The following MTHFSD variants were observed in gnomAD, a reference collection of about 807,000 sequenced individuals.
The protein encoded by MTHFSD is methenyltetrahydrofolate synthase domain-containing protein.
Under a neutral mutation model 31.1 loss-of-function variants are expected in MTHFSD, and 37 were observed. The observed-to-expected ratio is 1.19, with a 90% confidence interval of 0.91 to 1.56. MTHFSD has a LOEUF of 1.56. Ranked by LOEUF, MTHFSD falls within the 40% of genes most tolerant of loss-of-function variation. MTHFSD has a pLI of 0.00. For missense variants in MTHFSD, 664 were observed against 510.1 expected (o/e 1.30, Z -2.91); for synonymous variants, 221 against 206.9 (o/e 1.07, Z -0.59).
At chr16:86,547,667 C>CTA (rs1219798111) in intron 4 of MTHFSD, 14 of 497,966 alleles carry the variant, frequency 2.8e-5, no homozygotes, top group Admixed American at 1.3e-4. Context: ...CTTTCTCTCT[C>CTA]TATATATATA....
chr16:86,552,881 G>C (rs1179522346), intron 2 of MTHFSD, among the ~76,000 whole-genome samples: 1 of 152,206 alleles, frequency 6.6e-6, no homozygotes. Flanking sequence ...CAAGCCAACA[G>C]CTAAGTCCTT....
intron 7 of MTHFSD, among the ~76,000 whole-genome samples, chr16:86,539,739 G>C (rs919255947): frequency 3.3e-5 from 5 of 152,170 alleles, no homozygotes; most frequent in African/African-American, 9.7e-5. Context: ...AGACAGGGCA[G>C]GACGTCAACT....
intron 7 of MTHFSD, 64 bp downstream of exon 7, chr16:86,541,633 A>G: frequency 1.9e-6 from 3 of 1,569,968 alleles, no homozygotes; most frequent in Non-Finnish European, 2.6e-6. Flanking sequence ...TGCCAGACAG[A>G]AAACACTTAA....
chr16:86,544,045 T>G (rs1292404864), intron 5 of MTHFSD, among the ~76,000 whole-genome samples: 1 of 152,212 alleles, frequency 6.6e-6, no homozygotes, highest in East Asian at 1.9e-4. Context: ...GAAAACAAGC[T>G]GAGGGCTCCC....
intron 7 of MTHFSD, chr16:86,541,054 C>T (rs1332795932): frequency 2.6e-5 from 32 of 1,227,416 alleles, no homozygotes; most frequent in Non-Finnish European, 2.8e-5. Flanking sequence ...GCTTATTTGA[C>T]CAGTAGTTTT....
In MTHFSD at chr16:86,532,311, T is replaced by C; in HGVS notation, c.852A>G (p.Gly284=). 6.3e-7 allele frequency: 1 copy of C among 1,587,174 alleles called. No homozygotes were observed. The highest frequency in any genetic ancestry group is 8.6e-7 in the Non-Finnish European group (1 of 1,169,020). ...SVGRRPPDTP[G]PETNSMEAAP... Reference sequence around the variant, plus strand: ...CTGCCTCCATGGAATTGGTTTCTGGTCCGGGTGTGTCCGGGGGCCTCCTGC... The same window carrying C: ...CTGCCTCCATGGAATTGGTTTCTGGCCCGGGTGTGTCCGGGGGCCTCCTGC... Residue 284 remains glycine (G), a synonymous_variant, in exon 8 of 8, where the codon GGA becomes GGG. Coordinates refer to ENST00000360900, the MANE Select transcript of MTHFSD (RefSeq NM_001159377.2).
intron 7 of MTHFSD, among the ~76,000 whole-genome samples, chr16:86,540,548 G>A (rs563211698): frequency 6.6e-6 from 1 of 152,350 alleles, no homozygotes; most frequent in African/African-American, 2.4e-5. Flanking sequence ...CAGGCCTAGA[G>A]GGACTGCCAG....
chr16:86,555,070 C>G, intron 1 of MTHFSD, 99 bp downstream of exon 1: 1 of 1,500,264 alleles, frequency 6.7e-7, no homozygotes, highest in Middle Eastern at 1.7e-4. Context: ...TGATTCTGCC[C>G]CATCCTCTGC....
At chr16:86,548,757 T>A (rs1486351887) in intron 3 of MTHFSD, among the ~76,000 whole-genome samples, 180 bp from the exon 4 acceptor site, 3 of 152,218 alleles carry the variant, frequency 2.0e-5, no homozygotes, top group Non-Finnish European at 4.4e-5. Flanking sequence ...TGGGGTCGAT[T>A]TTTCTTAGAA....
chr16:86,549,137 G>A (rs1395924583), intron 3 of MTHFSD, among the ~76,000 whole-genome samples: 1 of 152,230 alleles, frequency 6.6e-6, no homozygotes, highest in Non-Finnish European at 1.5e-5. Context: ...TGCCTATTGT[G>A]AGAACCTCTA....
rs761884473 is a variant in MTHFSD, at chr16:86,532,014, C to T, written c.1149G>A (p.Lys383=). 1 of 1,472,130 alleles carries T rather than the reference C, an allele frequency of 6.8e-7. No homozygotes were observed. Among genetic ancestry groups the T allele is most frequent in the South Asian group, 1.4e-5 (1 of 72,418 alleles). 91.2% of individuals were successfully genotyped at this position (1,472,130 alleles called of 1,614,324 possible). A position where few individuals can be genotyped will look rare whatever the true frequency, so the allele number is the denominator to read the frequency against. The part of the protein sequence containing the change: ...RVALARQQRD[K] ...AGCTCCGTGGCTGTCCACGAGGTCACTTGTCCCTCTGCTGCCTGGCCAGCG... is the reference window on the plus strand; with the variant it reads ...AGCTCCGTGGCTGTCCACGAGGTCATTTGTCCCTCTGCTGCCTGGCCAGCG... The change falls in exon 8 of 8, where the codon AAG becomes AAA. Residue 383 remains lysine, a synonymous_variant. Transcript: ENST00000360900.
At chr16:86,546,124 T>C (rs1301067889) in intron 5 of MTHFSD, among the ~76,000 whole-genome samples, 2 of 152,156 alleles carry the variant, frequency 1.3e-5, no homozygotes, top group Non-Finnish European at 2.9e-5. Flanking sequence ...ACACACCACG[T>C]TGTTCAGGAG....
At position 86,540,711 on chromosome 16, in the gene MTHFSD, A is replaced by G. The variant is rs1226517700; in HGVS notation, c.681+986T>C. 4 of 988,532 alleles carry G rather than the reference A, an allele frequency of 4.0e-6. 1 individual carries two copies. The Admixed American group carries it at 2.4e-4, about 58-fold the overall frequency. The allele number at this position is 988,532 out of a possible 1,614,324, so 61.2% of individuals were successfully genotyped here. A position where few individuals can be genotyped will look rare whatever the true frequency, so the allele number is the denominator to read the frequency against. ...GTTCCCAAGTGAAAGACTCTTAAGA[A>G]AGACATCAAGGGATATTTTCATTTC... On this transcript the variant is annotated intron_variant, in intron 7 of 7. Coordinates refer to ENST00000360900, the MANE Select transcript of MTHFSD (RefSeq NM_001159377.2).
In MTHFSD at chr16:86,555,224, C is replaced by G. The variant is rs1973933134; in HGVS notation, c.-40G>C. Reference sequence around the variant, plus strand: ...TGTGCGACGCTTCCCGGCGCAGGTTCTGGCGCGTAGTGACGTCACCCGCTC... The same window carrying G: ...TGTGCGACGCTTCCCGGCGCAGGTTGTGGCGCGTAGTGACGTCACCCGCTC... On this transcript the variant is annotated 5_prime_UTR_variant, in exon 1 of 8. Coordinates refer to ENST00000360900, the MANE Select transcript of MTHFSD (RefSeq NM_001159377.2). 15 of 1,535,724 alleles carry G rather than the reference C, an allele frequency of 9.8e-6. No homozygotes were observed. Among genetic ancestry groups the G allele is most frequent in the Non-Finnish European group, 1.3e-5 (15 of 1,146,086 alleles).
At chr16:86,541,034 G>A (rs550085547) in intron 7 of MTHFSD, 92 of 1,187,412 alleles carry the variant, frequency 7.7e-5, no homozygotes, top group South Asian at 2.5e-4. Context: ...TGGGAGACGT[G>A]GACACGTATG....
chr16:86,531,956 G>T lies in MTHFSD; in HGVS notation c.*55C>A. On this transcript the variant is annotated 3_prime_UTR_variant, in exon 8 of 8. Transcript: ENST00000360900. This position sits in a 1 kb window ranked among gnomAD's most constrained non-coding sequence, Gnocchi z 5.5. Reference sequence around the variant, plus strand: ...CCTCTCGAGTGCCATCGGAACCGGAGCGGCAGGGGACGGGGATGGCGAGTC... The same window carrying T: ...CCTCTCGAGTGCCATCGGAACCGGATCGGCAGGGGACGGGGATGGCGAGTC... 8.1e-7 allele frequency: 1 copy of T among 1,240,720 alleles called. No homozygotes were observed. The highest frequency in any genetic ancestry group is 1.1e-6 in the Non-Finnish European group (1 of 945,184). The allele number at this position is 1,240,720 out of a possible 1,614,324, so 76.9% of individuals were successfully genotyped here.
Position 86,543,912 on chromosome 16 carries a change from G to A in MTHFSD, c.443-1699C>T, listed in dbSNP as rs533078346. On this transcript the variant is annotated intron_variant, in intron 5 of 7. Transcript: ENST00000360900. The stretch of plus-strand genomic sequence containing the variant: ...GCTGCGGCATTAGATTCTCACAGGC[G>A]TGCAAACCCTCGTATGAATGGTGCA... 1.3e-3 allele frequency among the ~76,000 whole-genome samples: 193 copies of A among 152,266 alleles called. 1 individual carries two copies. Among genetic ancestry groups the A allele is most frequent in the Non-Finnish European group, 2.1e-3 (143 of 68,022 alleles).
chr16:86,548,120 C>T, intron 4 of MTHFSD: 1 of 1,296,836 alleles, frequency 7.7e-7, no homozygotes, highest in Non-Finnish European at 1.0e-6. Context: ...ACCTGATGAA[C>T]AGGCCGGGAA....
chr16:86,546,395 C>G (rs559597258), intron 5 of MTHFSD, among the ~76,000 whole-genome samples, 164 bp downstream of exon 5: 67 of 152,322 alleles, frequency 4.4e-4, no homozygotes, highest in Non-Finnish European at 1.0e-4. Context: ...AGCGGGTGGG[C>G]TGAGCCAATT....
Sources: gnomAD v4.1 joint callset for allele counts (sites outside exome capture counted in the v4.1 genomes callset) on GRCh38, gnomAD v4.1.1 for gene constraint, Gnocchi (gnomAD v3.1) non-coding constraint, MANE v1.5 for transcripts, NCBI Gene and HGNC (gene_info 2026-07-23, HGNC 2026-07-21) for gene names.